Variants in LINC00237 observed in about 807,000 individuals in gnomAD.
The protein encoded by LINC00237 is long independently transcribed non-coding RNA 237.
exon 2 of LINC00237, chr20:21,093,804 C>T (rs1384482376): frequency 6.6e-6 from 1 of 152,304 alleles, no homozygotes; most frequent in Non-Finnish European, 1.5e-5. Flanking sequence ...CTTCCTTCAG[C>T]ATCAGCAGCC....
chr20:21,094,934 C>T (rs1048974031), intron 1 of LINC00237, among the ~76,000 whole-genome samples: 39 of 152,114 alleles, frequency 2.6e-4, no homozygotes, highest in African/African-American at 8.9e-4. Context: ...GCCTGTAATT[C>T]CAGTTACTCA....
chr20:21,087,498 T>A (rs2030730352), intron 3 of LINC00237: 1 of 152,190 alleles, frequency 6.6e-6, no homozygotes, highest in Non-Finnish European at 1.5e-5. Flanking sequence ...GAAGGACTGC[T>A]GTCAAATTTA....
Position 21,094,950 on chromosome 20 carries a change from C to T in LINC00237, n.89-1098G>A, listed in dbSNP as rs150771026. Among the ~76,000 whole-genome samples the T allele has an allele frequency of 1.1e-3, 164 of 152,242 alleles. 1 individual carries two copies. The highest frequency in any genetic ancestry group is 3.6e-3 in the African/African-American group (148 of 41,554). On this transcript the variant is annotated intron_variant and non_coding_transcript_variant, in intron 1 of 3. Transcript: ENST00000691244. ...CCTGTAATTCCAGTTACTCAGGAGGCTGAGGCAGGAGCATCGCTTGAACCC... is the reference window on the plus strand; with the variant it reads ...CCTGTAATTCCAGTTACTCAGGAGGTTGAGGCAGGAGCATCGCTTGAACCC...
intron 2 of LINC00237, among the ~76,000 whole-genome samples, chr20:21,091,301 G>A (rs1600310755): frequency 6.6e-6 from 1 of 152,120 alleles, no homozygotes; most frequent in African/African-American, 2.4e-5. Flanking sequence ...TAGGCCCGAC[G>A]AGAGAGCCGT....
chr20:21,101,193 C>T lies in LINC00237; in HGVS notation n.88+5078G>A, dbSNP rs902248897. 7.9e-5 allele frequency among the ~76,000 whole-genome samples: 12 copies of T among 152,348 alleles called. No individual in the cohort carries two copies. The highest frequency in any genetic ancestry group is 2.6e-4 in the African/African-American group (11 of 41,586). ...CGTCCATCGGAGGAGAACACGGTTA[C>T]AGCCCCTCGGCCGGGAATCCGACAG... On this transcript the variant is annotated intron_variant and non_coding_transcript_variant, in intron 1 of 3. Transcript: ENST00000691244. The surrounding 1 kb of genome is among the most constrained non-coding windows in gnomAD (Gnocchi z 4.3).
chr20:21,088,421 C>G lies in LINC00237; in HGVS notation n.473-391G>C, dbSNP rs183774984. Reference sequence around the variant, plus strand: ...TCCTTCTCATCCAGGTAACACTCTCCACACAAACGCTATACTATTACTACA... The same window carrying G: ...TCCTTCTCATCCAGGTAACACTCTCGACACAAACGCTATACTATTACTACA... On this transcript the variant is annotated intron_variant and non_coding_transcript_variant, in intron 2 of 3. Coordinates refer to ENST00000691244, the Ensembl canonical transcript of LINC00237. Among the ~76,000 whole-genome samples the G allele has an allele frequency of 5.5e-3, 831 of 152,276 alleles. 3 individuals carry two copies. The highest frequency in any genetic ancestry group is 8.2e-3 in the Non-Finnish European group (561 of 68,012).
chr20:21,097,069 G>C (rs1394131656), intron 1 of LINC00237, among the ~76,000 whole-genome samples: 1 of 152,176 alleles, frequency 6.6e-6, no homozygotes, highest in Admixed American at 6.5e-5. Flanking sequence ...GAACCACGGG[G>C]CTAGCTGAAA....
intron 1 of LINC00237, among the ~76,000 whole-genome samples, chr20:21,095,637 T>C (rs916721060): frequency 6.6e-6 from 1 of 152,158 alleles, no homozygotes; most frequent in Non-Finnish European, 1.5e-5. Flanking sequence ...TAGAAGAATA[T>C]AGATCAATAA....
chr20:21,086,203 T>A (rs1042110629), intron 3 of LINC00237, among the ~76,000 whole-genome samples: 6 of 152,208 alleles, frequency 3.9e-5, no homozygotes, highest in African/African-American at 1.4e-4. Context: ...TATGAACATA[T>A]TTGAAAAGAT....
exon 1 of LINC00237, chr20:21,106,323 G>A (rs375313471): frequency 2.0e-5 from 3 of 152,252 alleles, no homozygotes. Flanking sequence ...CACTGTGCAC[G>A]GGAAGAGGGG....
At chr20:21,103,029 G>T (rs1017165984) in intron 1 of LINC00237, among the ~76,000 whole-genome samples, 3 of 152,186 alleles carry the variant, frequency 2.0e-5, no homozygotes, top group African/African-American at 4.8e-5. Flanking sequence ...CGTCGCGACC[G>T]GCAGGCCTGG....
At chr20:21,089,100 G>A (rs961958519) in intron 2 of LINC00237, among the ~76,000 whole-genome samples, 1 of 151,524 alleles carries the variant, frequency 6.6e-6, no homozygotes, top group Admixed American at 6.6e-5. Context: ...GTGTATGTGT[G>A]TGCATGTGTG....
At chr20:21,091,452 C>T (rs979760003) in intron 2 of LINC00237, among the ~76,000 whole-genome samples, 1 of 152,102 alleles carries the variant, frequency 6.6e-6, no homozygotes, top group African/African-American at 2.4e-5. Context: ...TTGTGCAAAC[C>T]CTCCCATCCC....
chr20:21,104,281 A>G (rs1057330212), intron 1 of LINC00237, among the ~76,000 whole-genome samples: 3 of 152,236 alleles, frequency 2.0e-5, no homozygotes, highest in Non-Finnish European at 2.9e-5. Flanking sequence ...GATGAGGAGC[A>G]AATTTAAGGA....
In LINC00237 at chr20:21,101,694, C is replaced by T. The variant is rs1017513351; in HGVS notation, n.88+4577G>A. 2 of 152,404 alleles carry T rather than the reference C, an allele frequency of 1.3e-5. No homozygotes were observed. The highest frequency in any genetic ancestry group is 2.9e-5 in the Non-Finnish European group (2 of 68,186). The allele number at this position is 152,404 out of a possible 1,614,324, so 9.4% of individuals were successfully genotyped here. The stretch of plus-strand genomic sequence containing the variant: ...GGCAAGACGTGTTTTCCCGCTCCTT[C>T]GAATTTAACCGCCCAGTGCCTGCCT... On this transcript the variant is annotated intron_variant and non_coding_transcript_variant, in intron 1 of 3. Coordinates refer to ENST00000691244, the Ensembl canonical transcript of LINC00237. This position sits in a 1 kb window ranked among gnomAD's most constrained non-coding sequence, Gnocchi z 4.3.
intron 2 of LINC00237, among the ~76,000 whole-genome samples, chr20:21,089,463 C>T (rs1354991583): frequency 1.3e-5 from 2 of 151,902 alleles, no homozygotes; most frequent in Non-Finnish European, 2.9e-5. Flanking sequence ...AAAAGCAAAC[C>T]GATGGTTATT....
At chr20:21,090,704 T>C (rs1426105655) in intron 2 of LINC00237, among the ~76,000 whole-genome samples, 1 of 152,136 alleles carries the variant, frequency 6.6e-6, no homozygotes, top group Non-Finnish European at 1.5e-5. Context: ...TCCTTGGTGG[T>C]GAGGAAAGGT....
At chr20:21,105,372 C>A (rs1321093086) in intron 1 of LINC00237, among the ~76,000 whole-genome samples, 3 of 148,728 alleles carry the variant, frequency 2.0e-5, no homozygotes, top group African/African-American at 7.4e-5. Flanking sequence ...GCTAAAAGTT[C>A]AGCCCTTCGA....
chr20:21,087,608 T>C (rs2030731886), intron 3 of LINC00237: 1 of 152,212 alleles, frequency 6.6e-6, no homozygotes, highest in Non-Finnish European at 1.5e-5. Context: ...TTCACTTTAA[T>C]TTTTGTCATT....
Sources: gnomAD v4.1 joint callset for allele counts (sites outside exome capture counted in the v4.1 genomes callset) on GRCh38, gnomAD v4.1.1 for gene constraint, Gnocchi (gnomAD v3.1) non-coding constraint, MANE v1.5 for transcripts, NCBI Gene and HGNC (gene_info 2026-07-23, HGNC 2026-07-21) for gene names.